Variants in POGLUT1 observed in about 807,000 individuals in gnomAD.
The protein encoded by POGLUT1 is protein O-glucosyltransferase 1.
A neutral mutation model predicts 61.3 loss-of-function variants in POGLUT1; 32 were observed. The ratio of observed to expected loss-of-function variants is 0.52; its 90% CI spans 0.39 to 0.70. POGLUT1 has a LOEUF of 0.70. POGLUT1 is among the 30% of genes least tolerant of loss of function. The pLI, the probability that POGLUT1 is intolerant of heterozygous loss-of-function variation, is 0.00. For missense variants in POGLUT1, 411 were observed against 469.8 expected (o/e 0.87, Z 1.16); for synonymous variants, 158 against 158.2 (o/e 1.00, Z 0.01).
In POGLUT1 at chr3:119,469,889, A is replaced by C. The variant is rs2081449709; in HGVS notation, c.155A>C (p.Gln52Pro). ...GAGAATTACGAACCATGTTCAAGTC[A>C]AAACTGCAGCTGCTACCATGGGTGA... ...SLENYEPCSSQNCSCYHGVIE... is the reference protein window; with the variant it reads ...SLENYEPCSSPNCSCYHGVIE... The change falls in exon 2 of 11, where the codon CAA (glutamine) becomes CCA (proline). Residue 52 changes from glutamine (Q) to proline (P), a missense_variant. Gln to Pro is a moderately conservative substitution (Grantham distance 76). Transcript: ENST00000295588. The C allele has an allele frequency of 1.2e-6, 2 of 1,601,986 alleles. No homozygotes were observed. Among genetic ancestry groups the C allele is most frequent in the Non-Finnish European group, 1.7e-6 (2 of 1,168,848 alleles).
chr3:119,475,695 C>T (rs1577078384), intron 3 of POGLUT1, among the ~76,000 whole-genome samples: 1 of 152,054 alleles, frequency 6.6e-6, no homozygotes, highest in East Asian at 1.9e-4. Flanking sequence ...TGCCTGTAAT[C>T]CTAGCTACTC....
intron 3 of POGLUT1, among the ~76,000 whole-genome samples, chr3:119,475,954 CCACACA>C (rs539140166): frequency 2.9e-4 from 38 of 130,850 alleles, no homozygotes; most frequent in African/African-American, 4.5e-4. Flanking sequence ...GACTGTCTCT[CCACACA>C]CACACACACA....
chr3:119,490,982 C>T (rs2107718354), intron 9 of POGLUT1, among the ~76,000 whole-genome samples: 1 of 152,060 alleles, frequency 6.6e-6, no homozygotes, highest in Non-Finnish European at 1.5e-5. Context: ...GCTCTAATCT[C>T]TCCAAGACTA....
At chr3:119,483,504 C>T (rs777983700) in intron 5 of POGLUT1, among the ~76,000 whole-genome samples, 1 of 152,110 alleles carries the variant, frequency 6.6e-6, no homozygotes, top group Admixed American at 6.5e-5. Context: ...TAAAACCTAC[C>T]TCTTAAGATT....
chr3:119,485,228 AG>A lies in POGLUT1; in HGVS notation c.579-99del. ...CGAGACTCCGTCTCAAAAAAAAAAAAGAAATATGAAGCTCTGAACTAATCTT... is the reference window on the plus strand; with the variant it reads ...CGAGACTCCGTCTCAAAAAAAAAAAAAAATATGAAGCTCTGAACTAATCTT... On this transcript the variant is annotated intron_variant, in intron 5 of 10. Coordinates refer to ENST00000295588, the MANE Select transcript of POGLUT1 (RefSeq NM_152305.3). 6 of 763,504 alleles carry A rather than the reference AG, an allele frequency of 7.9e-6. No homozygotes were observed. In the South Asian group the frequency reaches 8.6e-5, roughly 11 times the overall value. The allele number at this position is 763,504 out of a possible 1,614,324, so 47.3% of individuals were successfully genotyped here.
intron 2 of POGLUT1, 45 bp downstream of exon 2, chr3:119,469,955 C>A: frequency 9.1e-7 from 1 of 1,096,734 alleles, no homozygotes; most frequent in Non-Finnish European, 1.4e-6. Context: ...TAGTTGCTGT[C>A]ACAGGAAGTA....
At position 119,492,516 on chromosome 3, in the gene POGLUT1, G is replaced by C; in HGVS notation, c.*78G>C. The C allele has an allele frequency of 1.0e-6, 1 of 960,252 alleles. No homozygotes were observed. The highest frequency in any genetic ancestry group is 1.5e-6 in the Non-Finnish European group (1 of 659,986). 59.5% of individuals were successfully genotyped at this position (960,252 alleles called of 1,614,324 possible). The stretch of plus-strand genomic sequence containing the variant: ...ACGGTGAGAAGCTTACCATAAGCTT[G>C]GCACCTATACCTTGAATATCTGCTA... On this transcript the variant is annotated 3_prime_UTR_variant, in exon 11 of 11. Transcript: ENST00000295588.
intron 6 of POGLUT1, among the ~76,000 whole-genome samples, chr3:119,485,916 C>T (rs1020375627): frequency 3.7e-4 from 56 of 152,294 alleles, no homozygotes; most frequent in African/African-American, 1.3e-3. Context: ...TTGTTCAGCT[C>T]CATAGTCCCA....
rs1205624129 is a variant in POGLUT1, at chr3:119,475,985, CACACACACAAACACAT to C, written c.321-1324_321-1309del. Among the ~76,000 whole-genome samples, 86 of 127,386 alleles carry C rather than the reference CACACACACAAACACAT, an allele frequency of 6.8e-4. 1 individual carries two copies. Among genetic ancestry groups the C allele is most frequent in the East Asian group, 1.9e-3 (7 of 3,680 alleles). The allele number at this position is 127,386 out of a possible 152,430, so 83.6% of individuals were successfully genotyped here. On this transcript the variant is annotated intron_variant, in intron 3 of 10. Transcript: ENST00000295588. ...ACACACACACACACACACACACACA[CACACACACAAACACAT>C]ACAGAGTTGCCAGGTGTGTTGGCAC...
At chr3:119,487,416 G>A (rs1355943801) in intron 7 of POGLUT1, among the ~76,000 whole-genome samples, 3 of 151,982 alleles carry the variant, frequency 2.0e-5, no homozygotes, top group South Asian at 2.1e-4. Flanking sequence ...GTGAAACCCC[G>A]TCTCTACTAA....
chr3:119,470,115 T>C (rs528179089), intron 2 of POGLUT1, among the ~76,000 whole-genome samples: 1 of 152,328 alleles, frequency 6.6e-6, no homozygotes, highest in South Asian at 2.1e-4. Context: ...TGCATGTGCA[T>C]CTGTTTTTCC....
chr3:119,476,846 G>A (rs2081543052), intron 3 of POGLUT1, among the ~76,000 whole-genome samples: 1 of 152,156 alleles, frequency 6.6e-6, no homozygotes, highest in Non-Finnish European at 1.5e-5. Context: ...TTTTCTATCT[G>A]TTCTCATAAA....
chr3:119,491,781 G>C (rs557844333), intron 10 of POGLUT1, among the ~76,000 whole-genome samples: 2 of 152,206 alleles, frequency 1.3e-5, no homozygotes, highest in South Asian at 2.1e-4. Context: ...TGGGCCGGGC[G>C]TGGTGGCTAA....
At chr3:119,491,876 A>G (rs1206639523) in intron 10 of POGLUT1, among the ~76,000 whole-genome samples, 1 of 152,032 alleles carries the variant, frequency 6.6e-6, no homozygotes, top group Non-Finnish European at 1.5e-5. Context: ...CCATGGTGAA[A>G]CCCCATCTCT....
intron 4 of POGLUT1, among the ~76,000 whole-genome samples, chr3:119,477,961 G>A (rs1183441501): frequency 2.6e-5 from 4 of 152,218 alleles, no homozygotes; most frequent in Admixed American, 1.3e-4. Flanking sequence ...TGCATTGAAG[G>A]GATAGGCTGG....
chr3:119,469,688 G>A, intron 1 of POGLUT1, 132 bp from the exon 2 acceptor site: 1 of 616,846 alleles, frequency 1.6e-6, no homozygotes. Flanking sequence ...CCTCCCTAGC[G>A]TTTCGTTTCC....
chr3:119,492,159 T>C lies in POGLUT1; in HGVS notation c.1023-123T>C. On this transcript the variant is annotated intron_variant, in intron 10 of 10. Transcript: ENST00000295588. ...TTGCCATAGGGTTGGTTCTTGAGGCTCAAATGAATTAATTTATATAAAATG... is the reference window on the plus strand; with the variant it reads ...TTGCCATAGGGTTGGTTCTTGAGGCCCAAATGAATTAATTTATATAAAATG... 3 of 603,014 alleles carry C rather than the reference T, an allele frequency of 5.0e-6. No individual in the cohort carries two copies. In the South Asian group the frequency reaches 9.7e-5, roughly 20 times the overall value. The allele number at this position is 603,014 out of a possible 1,614,324, so 37.4% of individuals were successfully genotyped here. A position where few individuals can be genotyped will look rare whatever the true frequency, so the allele number is the denominator to read the frequency against.
Position 119,494,622 on chromosome 3 carries a change from T to C in POGLUT1, c.*2184T>C, listed in dbSNP as rs1480325360. The C allele has an allele frequency of 6.5e-6, 1 of 152,686 alleles. No homozygotes were observed. The highest frequency in any genetic ancestry group is 2.4e-5 in the African/African-American group (1 of 41,470). 9.5% of individuals were successfully genotyped at this position (152,686 alleles called of 1,614,324 possible). ...TACTAGTTCAGTCCCAAACTTACCC[T>C]TTCCTTTTCAGAGAGCTAATGGCCA... is the stretch of plus-strand genomic sequence containing the variant. On this transcript the variant is annotated 3_prime_UTR_variant, in exon 11 of 11. Coordinates refer to ENST00000295588, the MANE Select transcript of POGLUT1 (RefSeq NM_152305.3).
chr3:119,476,442 CTT>C (rs371954325), intron 3 of POGLUT1, among the ~76,000 whole-genome samples: 16 of 145,768 alleles, frequency 1.1e-4, no homozygotes, highest in Non-Finnish European at 1.1e-4. Flanking sequence ...ATAAAAAACA[CTT>C]TTTTTTTTTT....
Sources: allele counts gnomAD v4.1 joint callset (sites outside exome capture counted in the v4.1 genomes callset), GRCh38; gene constraint gnomAD v4.1.1; transcripts MANE v1.5; gene names NCBI Gene and HGNC (gene_info 2026-07-23, HGNC 2026-07-21).